JAZF1: variants seen among roughly 807,000 people sequenced by gnomAD.
The protein encoded by JAZF1 is juxtaposed with another zinc finger protein 1.
A neutral mutation model predicts 26.4 loss-of-function variants in JAZF1; 8 were observed. The observed-to-expected ratio is 0.30, with a 90% CI of 0.18 to 0.55. The LOEUF is 0.55. Among genes scored for constraint, JAZF1 ranks in the 20% least tolerant of loss-of-function variants. The pLI is 0.94. For synonymous variants in JAZF1, 126 were observed against 122.3 expected (o/e 1.03, Z -0.20); for missense variants, 199 against 322.0 (o/e 0.62, Z 2.92).
At chr7:28,149,189 C>T (rs981209981) in intron 1 of JAZF1, among the ~76,000 whole-genome samples, 9 of 152,166 alleles carry the variant, frequency 5.9e-5, no homozygotes, top group African/African-American at 2.2e-4. Flanking sequence ...AAACAGCCTC[C>T]TCTCCTCAAG....
In JAZF1 at chr7:27,830,629, G is replaced by A. The variant is rs1231691732; in HGVS notation, c.*2171C>T. The A allele has an allele frequency of 1.1e-5, 2 of 182,456 alleles. No individual in the cohort carries two copies. Among genetic ancestry groups the A allele is most frequent in the East Asian group, 1.8e-4 (2 of 11,158 alleles). 11.3% of individuals were successfully genotyped at this position (182,456 alleles called of 1,614,324 possible). On this transcript the variant is annotated 3_prime_UTR_variant, in exon 5 of 5. Coordinates refer to ENST00000283928, the MANE Select transcript of JAZF1 (RefSeq NM_175061.4). The stretch of plus-strand genomic sequence containing the variant: ...AATGTGATTTCATTTACATTTATAA[G>A]CAGCTTTTCTTGACAGGAATTTTGA...
At chr7:27,897,262 A>C (rs1220771828) in intron 2 of JAZF1, among the ~76,000 whole-genome samples, 4 of 152,154 alleles carry the variant, frequency 2.6e-5, no homozygotes, top group Non-Finnish European at 5.9e-5. Flanking sequence ...AGCAAAATAA[A>C]CACGGACATG....
chr7:27,835,725 G>A (rs1036416426), intron 4 of JAZF1, among the ~76,000 whole-genome samples: 6 of 152,076 alleles, frequency 3.9e-5, no homozygotes, highest in African/African-American at 1.2e-4. Flanking sequence ...TACAGGCCGC[G>A]GGAACGTCCT....
At chr7:28,124,029 G>A (rs988091196) in intron 1 of JAZF1, among the ~76,000 whole-genome samples, 2 of 152,064 alleles carry the variant, frequency 1.3e-5, no homozygotes, top group African/African-American at 4.8e-5. Context: ...CCCTGTTTGG[G>A]GCTGACTTGT....
At chr7:27,966,622 G>T (rs1358930844) in intron 2 of JAZF1, among the ~76,000 whole-genome samples, 1 of 152,186 alleles carries the variant, frequency 6.6e-6, no homozygotes, top group African/African-American at 2.4e-5. Flanking sequence ...CTCCATAAAT[G>T]CATGGGAGAA....
intron 3 of JAZF1, among the ~76,000 whole-genome samples, chr7:27,876,711 G>T (rs1783686362): frequency 6.6e-6 from 1 of 152,334 alleles, no homozygotes; most frequent in South Asian, 2.1e-4. Context: ...CCGGATAGCA[G>T]ACTAGGTATA....
At chr7:27,952,291 T>C (rs1330703064) in intron 2 of JAZF1, among the ~76,000 whole-genome samples, 1 of 152,102 alleles carries the variant, frequency 6.6e-6, no homozygotes, top group Non-Finnish European at 1.5e-5. Flanking sequence ...AGAGAAGACA[T>C]TTCGGAGGAG....
intron 3 of JAZF1, among the ~76,000 whole-genome samples, chr7:27,851,451 C>A (rs910924618): frequency 6.6e-6 from 1 of 152,070 alleles, no homozygotes; most frequent in African/African-American, 2.4e-5. Flanking sequence ...AAGTTTGAAA[C>A]CAGCCTGGGC....
Position 28,063,731 on chromosome 7 carries a change from G to A in JAZF1, c.116-71750C>T, listed in dbSNP as rs141795914. Reference sequence around the variant, plus strand: ...TATGTATTATTTGTAGTATATTCCCGTGTTTCTTGGTAATAGAAACAAGCA... The same window carrying A: ...TATGTATTATTTGTAGTATATTCCCATGTTTCTTGGTAATAGAAACAAGCA... On this transcript the variant is annotated intron_variant, in intron 1 of 4. Transcript: ENST00000283928. 8.5e-5 allele frequency among the ~76,000 whole-genome samples: 13 copies of A among 152,136 alleles called. No individual in the cohort carries two copies. The South Asian group carries it at 1.2e-3, about 15-fold the overall frequency.
intron 1 of JAZF1, among the ~76,000 whole-genome samples, chr7:28,019,235 C>T (rs1022988081): frequency 7.9e-5 from 12 of 152,204 alleles, no homozygotes; most frequent in Non-Finnish European, 1.3e-4. Flanking sequence ...GACACTGGAA[C>T]CGGCGCTGAC....
chr7:27,926,111 C>T (rs754007038), intron 2 of JAZF1, among the ~76,000 whole-genome samples: 49 of 152,146 alleles, frequency 3.2e-4, no homozygotes, highest in Non-Finnish European at 4.9e-4. Context: ...AGGACAGGCT[C>T]AAGATGGAGA....
intron 1 of JAZF1, among the ~76,000 whole-genome samples, chr7:28,135,687 G>A (rs1245499687): frequency 6.6e-6 from 1 of 152,298 alleles, no homozygotes; most frequent in Admixed American, 6.5e-5. Context: ...TTTTAAGTCT[G>A]ATCAATAGTG....
chr7:28,111,112 G>A (rs1273018584), intron 1 of JAZF1, among the ~76,000 whole-genome samples: 1 of 152,054 alleles, frequency 6.6e-6, no homozygotes, highest in Non-Finnish European at 1.5e-5. Flanking sequence ...AGAAAATCTT[G>A]GTCTATTTTA....
At chr7:27,983,011 A>C (rs994364234) in intron 2 of JAZF1, among the ~76,000 whole-genome samples, 1 of 152,252 alleles carries the variant, frequency 6.6e-6, no homozygotes, top group Admixed American at 6.5e-5. Flanking sequence ...AGAAAAGCTG[A>C]AAATTCTAAA....
intron 2 of JAZF1, among the ~76,000 whole-genome samples, chr7:27,948,928 T>C (rs955204935): frequency 1.3e-5 from 2 of 152,202 alleles, no homozygotes; most frequent in African/African-American, 4.8e-5. Context: ...TACCTGCCCT[T>C]AGAAGACATC....
intron 4 of JAZF1, among the ~76,000 whole-genome samples, chr7:27,834,385 C>T (rs567578244): frequency 6.6e-6 from 1 of 152,266 alleles, no homozygotes; most frequent in South Asian, 2.1e-4. Context: ...CTCTGCTGGA[C>T]TTTGTTGAAC....
intron 1 of JAZF1, among the ~76,000 whole-genome samples, chr7:28,176,525 T>C (rs1783554179): frequency 6.6e-6 from 1 of 152,186 alleles, no homozygotes; most frequent in Admixed American, 6.5e-5. Flanking sequence ...TGATCTAGTT[T>C]TTCTCTTTTC....
chr7:28,101,871 A>AT (rs781641021), intron 1 of JAZF1, among the ~76,000 whole-genome samples: 97 of 151,688 alleles, frequency 6.4e-4, no homozygotes, highest in East Asian at 5.8e-3. Flanking sequence ...CGGAAATGCC[A>AT]TTTTTTTTTC....
At chr7:28,119,329 C>T (rs61469546) in intron 1 of JAZF1, among the ~76,000 whole-genome samples, 24,024 of 152,060 alleles carry the variant, frequency 0.16, 2,140 homozygotes, top group Non-Finnish European at 0.2. Context: ...CATTAATACC[C>T]GCTGCCCCTC....
Sources: allele counts gnomAD v4.1 joint callset (sites outside exome capture counted in the v4.1 genomes callset), GRCh38; gene constraint gnomAD v4.1.1; transcripts MANE v1.5; gene names NCBI Gene and HGNC (gene_info 2026-07-23, HGNC 2026-07-21).